Variants in ZNF804B observed in about 807,000 individuals in gnomAD.
ZNF804B encodes the protein zinc finger 804B.
In ZNF804B, 80 loss-of-function variants were observed where a neutral mutation model predicts 101.4. The ratio of observed to expected loss-of-function variants is 0.79; its 90% CI spans 0.66 to 0.95. ZNF804B has a LOEUF of 0.95. Ranked by LOEUF, ZNF804B falls within the 40% of genes least tolerant of loss-of-function variation. The pLI, the probability that ZNF804B is intolerant of heterozygous loss-of-function variation, is 0.00. For synonymous variants in ZNF804B, 622 were observed against 558.8 expected (o/e 1.11, Z -1.59); for missense variants, 1,673 against 1,561.9 (o/e 1.07, Z -1.20).
intron 1 of ZNF804B, among the ~76,000 whole-genome samples, chr7:88,761,320 C>G (rs1307564138): frequency 6.6e-6 from 1 of 152,106 alleles, no homozygotes; most frequent in Non-Finnish European, 1.5e-5. Context: ...CAACTGTATA[C>G]AGTACTGAGT....
chr7:89,021,858 G>C (rs537594068), intron 1 of ZNF804B, among the ~76,000 whole-genome samples: 3 of 152,304 alleles, frequency 2.0e-5, no homozygotes, highest in Non-Finnish European at 4.4e-5. Context: ...CCATGTTGCA[G>C]TGGCTTGGGA....
intron 1 of ZNF804B, among the ~76,000 whole-genome samples, chr7:88,903,065 C>T (rs1231094551): frequency 2.0e-5 from 3 of 151,936 alleles, no homozygotes; most frequent in Non-Finnish European, 2.9e-5. Context: ...GCATAGTACC[C>T]AATAGATAGT....
At chr7:89,126,918 C>G (rs1367050791) in intron 1 of ZNF804B, among the ~76,000 whole-genome samples, 1 of 151,874 alleles carries the variant, frequency 6.6e-6, no homozygotes, top group Non-Finnish European at 1.5e-5. Context: ...GAAAATGGTA[C>G]CTGCTCTGCC....
intron 1 of ZNF804B, among the ~76,000 whole-genome samples, chr7:89,153,952 T>A (rs77712445): frequency 0.024 from 3,655 of 152,228 alleles, 160 homozygotes; most frequent in African/African-American, 0.083. Flanking sequence ...CAGATGCTTC[T>A]TTGCTTATAT....
chr7:88,833,559 A>G (rs1350005596), intron 1 of ZNF804B, among the ~76,000 whole-genome samples: 2 of 151,932 alleles, frequency 1.3e-5, no homozygotes, highest in African/African-American at 4.8e-5. Flanking sequence ...GAAAATTTAG[A>G]GTCTGCGAGT....
At chr7:88,883,946 A>C (rs1271353985) in intron 1 of ZNF804B, among the ~76,000 whole-genome samples, 1 of 152,028 alleles carries the variant, frequency 6.6e-6, no homozygotes, top group Non-Finnish European at 1.5e-5. Context: ...TTACAGAAAA[A>C]ACTGGATCTC....
At chr7:88,974,007 A>C (rs1030337946) in intron 1 of ZNF804B, among the ~76,000 whole-genome samples, 3 of 151,366 alleles carry the variant, frequency 2.0e-5, no homozygotes, top group African/African-American at 7.3e-5. Flanking sequence ...TCTCACACTT[A>C]GTACAATTCT....
chr7:88,927,474 A>G (rs944044071), intron 1 of ZNF804B, among the ~76,000 whole-genome samples: 3 of 152,172 alleles, frequency 2.0e-5, no homozygotes, highest in Non-Finnish European at 2.9e-5. Context: ...TCTGAGTTGT[A>G]ATTTGAGCAT....
At chr7:89,298,218 A>ATATATATATATG (rs1790417591) in intron 2 of ZNF804B, among the ~76,000 whole-genome samples, 1 of 40,070 alleles carries the variant, frequency 2.5e-5, no homozygotes, top group Non-Finnish European at 4.9e-5. Flanking sequence ...GTGTGTGTGT[A>ATATATATATATG]TATATATATA....
At chr7:88,760,541 A>G (rs1789879651) in intron 1 of ZNF804B, among the ~76,000 whole-genome samples, 1 of 152,242 alleles carries the variant, frequency 6.6e-6, no homozygotes, top group Non-Finnish European at 1.5e-5. Context: ...AATCATTGGC[A>G]AAAGGAAAGT....
intron 1 of ZNF804B, among the ~76,000 whole-genome samples, chr7:88,832,431 G>A (rs1008323178): frequency 2.6e-5 from 4 of 152,090 alleles, no homozygotes; most frequent in African/African-American, 9.6e-5. Context: ...ATCTGTATAT[G>A]GAAGATGCGC....
chr7:89,207,544 G>C (rs1049235847), intron 1 of ZNF804B, among the ~76,000 whole-genome samples: 2 of 152,170 alleles, frequency 1.3e-5, no homozygotes, highest in Non-Finnish European at 2.9e-5. Flanking sequence ...GGTGAGATTT[G>C]GGTGGGGACA....
intron 1 of ZNF804B, among the ~76,000 whole-genome samples, chr7:88,821,766 A>C (rs1019052132): frequency 1.2e-4 from 18 of 152,300 alleles, no homozygotes; most frequent in Non-Finnish European, 1.2e-4. Flanking sequence ...CTAGTTGAGG[A>C]AAGTCAGTTA....
chr7:88,979,333 G>T, intron 1 of ZNF804B, among the ~76,000 whole-genome samples: 1 of 151,910 alleles, frequency 6.6e-6, no homozygotes, highest in Admixed American at 6.6e-5. Context: ...TCTGATTGAA[G>T]TACTCTCTTT....
intron 1 of ZNF804B, among the ~76,000 whole-genome samples, chr7:89,192,874 C>T (rs1017347687): frequency 9.2e-5 from 14 of 152,066 alleles, no homozygotes; most frequent in African/African-American, 3.4e-4. Context: ...CATGATTAAT[C>T]ACATAAACAG....
At chr7:89,149,474 T>C (rs989574160) in intron 1 of ZNF804B, among the ~76,000 whole-genome samples, 1 of 152,054 alleles carries the variant, frequency 6.6e-6, no homozygotes, top group South Asian at 2.1e-4. Flanking sequence ...ACATTACAAA[T>C]AAAGTTATTA....
At chr7:89,003,995 A>G (rs1788332709) in intron 1 of ZNF804B, among the ~76,000 whole-genome samples, 1 of 151,588 alleles carries the variant, frequency 6.6e-6, no homozygotes, top group African/African-American at 2.4e-5. Flanking sequence ...TAAATTAAAA[A>G]GTATGTAACA....
At chr7:89,010,548 C>T (rs1379384405) in intron 1 of ZNF804B, among the ~76,000 whole-genome samples, 1 of 152,164 alleles carries the variant, frequency 6.6e-6, no homozygotes, top group Non-Finnish European at 1.5e-5. Context: ...TCCATACTAA[C>T]TGGGTAACAA....
intron 1 of ZNF804B, among the ~76,000 whole-genome samples, chr7:88,809,354 T>C (rs201046808): frequency 1.5e-5 from 2 of 130,482 alleles, no homozygotes; most frequent in Non-Finnish European, 3.3e-5. Context: ...TATCTATCTA[T>C]CTACCTATCT....
Sources: allele counts gnomAD v4.1 joint callset (sites outside exome capture counted in the v4.1 genomes callset), GRCh38; gene constraint gnomAD v4.1.1; transcripts MANE v1.5; gene names NCBI Gene and HGNC (gene_info 2026-07-23, HGNC 2026-07-21).